The following TULP2 variants were observed in gnomAD, a reference collection of about 807,000 sequenced individuals.
TULP2 encodes tubby-related protein 2.
Under a neutral mutation model 60.3 loss-of-function variants are expected in TULP2, and 64 were observed. That is an observed-to-expected ratio of 1.06 (90% confidence interval 0.87 to 1.31). TULP2 has a LOEUF of 1.31. Ranked by LOEUF, TULP2 falls within the 50% of genes most tolerant of loss-of-function variation. TULP2 has a pLI of 0.00. For synonymous variants in TULP2, 267 were observed against 265.4 expected (o/e 1.01, Z -0.06); for missense variants, 652 against 667.0 (o/e 0.98, Z 0.25).
intron 6 of TULP2, 37 bp downstream of exon 6, chr19:48,894,961 G>A (rs1312109281): frequency 1.1e-5 from 18 of 1,587,302 alleles, no homozygotes; most frequent in Non-Finnish European, 1.5e-5. Context: ...CATGAACCAG[G>A]AGATCCCAGG....
rs1269574329 is a variant in TULP2, at chr19:48,897,333, T to G, written c.84+12A>C. 13 of 1,613,312 alleles carry G rather than the reference T, an allele frequency of 8.1e-6. No individual in the cohort carries two copies. The East Asian group carries it at 2.0e-4, about 25-fold the overall frequency. On this transcript the variant is annotated intron_variant, in intron 3 of 12. Transcript: ENST00000221399. The surrounding 1 kb of genome is among the most constrained non-coding windows in gnomAD (Gnocchi z 4.0). ...GGAAGAGTTGGAGTGGTGAGATTCCTGGGCACAATACCTGCTGTTCCAGCT... is the reference window on the plus strand; with the variant it reads ...GGAAGAGTTGGAGTGGTGAGATTCCGGGGCACAATACCTGCTGTTCCAGCT...
In TULP2 at chr19:48,882,706, A is replaced by C. The variant is rs140974210; in HGVS notation, c.1276-503T>G. Among the ~76,000 whole-genome samples the C allele has an allele frequency of 4.0e-3, 612 of 152,314 alleles. 5 individuals carry two copies. Among genetic ancestry groups the C allele is most frequent in the African/African-American group, 0.014 (568 of 41,560 alleles). On this transcript the variant is annotated intron_variant, in intron 11 of 12. Coordinates refer to ENST00000221399, the MANE Select transcript of TULP2 (RefSeq NM_003323.3). ...AAAAGCAGAAGAATACAAAGTAAGG[A>C]GGAAGTAACTTGTGGAATGTTGAGA...
At chr19:48,886,581 C>G (rs1275745727) in intron 8 of TULP2, among the ~76,000 whole-genome samples, 1 of 151,752 alleles carries the variant, frequency 6.6e-6, no homozygotes, top group Non-Finnish European at 1.5e-5. Flanking sequence ...AGAGAGGATA[C>G]CCCGAGGAGA....
At chr19:48,882,938 TG>T (rs1163671709) in intron 11 of TULP2, among the ~76,000 whole-genome samples, 1 of 152,018 alleles carries the variant, frequency 6.6e-6, no homozygotes, top group Non-Finnish European at 1.5e-5. Context: ...GAGAGGTTAC[TG>T]CCGGGCACGG....
At chr19:48,886,574 GAGGAT>G (rs1439070456) in intron 8 of TULP2, among the ~76,000 whole-genome samples, 2 of 151,990 alleles carry the variant, frequency 1.3e-5, no homozygotes, top group Non-Finnish European at 2.9e-5. Context: ...TAGGGGGAGA[GAGGAT>G]ACCCCGAGGA....
chr19:48,897,944 T>C lies in TULP2; in HGVS notation c.-1-75A>G. 1.0e-6 allele frequency: 1 copy of C among 986,560 alleles called. No individual in the cohort carries two copies. Among genetic ancestry groups the C allele is most frequent in the African/African-American group, 1.9e-5 (1 of 52,040 alleles). 61.1% of individuals were successfully genotyped at this position (986,560 alleles called of 1,614,324 possible). On this transcript the variant is annotated intron_variant, in intron 1 of 12. Transcript: ENST00000221399. The surrounding 1 kb of genome is among the most constrained non-coding windows in gnomAD (Gnocchi z 4.0). The stretch of plus-strand genomic sequence containing the variant: ...ATCCTGCCCACCAGCACCTAATCTT[T>C]AGCCTTATTTATTTATTTATTTATT...
chr19:48,897,412 G>T lies in TULP2; in HGVS notation c.33-16C>A. On this transcript the variant is annotated splice_polypyrimidine_tract_variant and intron_variant, in intron 2 of 12. Coordinates refer to ENST00000221399, the MANE Select transcript of TULP2 (RefSeq NM_003323.3). The surrounding 1 kb of genome is among the most constrained non-coding windows in gnomAD (Gnocchi z 4.0). ...CCCCAGGATGCTGAGAGAGACACAG[G>T]CCCATGGTGACAGTGCACAGGGAAC... The T allele has an allele frequency of 6.2e-7, 1 of 1,613,354 alleles. No homozygotes were observed. The highest frequency in any genetic ancestry group is 2.2e-5 in the East Asian group (1 of 44,874).
At chr19:48,882,675 AGAGG>A (rs1453832692) in intron 11 of TULP2, among the ~76,000 whole-genome samples, 1 of 152,176 alleles carries the variant, frequency 6.6e-6, no homozygotes, top group Non-Finnish European at 1.5e-5. Context: ...ACTTTTTAAA[AGAGG>A]GAAAAGCAGA....
chr19:48,887,386 G>A (rs1050377408), intron 8 of TULP2, among the ~76,000 whole-genome samples: 1 of 128,336 alleles, frequency 7.8e-6, no homozygotes, highest in East Asian at 2.4e-4. Flanking sequence ...GTGCAGTAGC[G>A]TGATCACATC....
intron 6 of TULP2, among the ~76,000 whole-genome samples, chr19:48,894,532 T>C (rs966876658): frequency 3.9e-5 from 6 of 151,964 alleles, no homozygotes; most frequent in African/African-American, 1.5e-4. Context: ...TCCCAGCTAC[T>C]TGGGAGGCTG....
intron 6 of TULP2, among the ~76,000 whole-genome samples, chr19:48,891,675 A>G (rs9676669): frequency 0.19 from 28,601 of 152,138 alleles, 3,442 homozygotes; most frequent in African/African-American, 0.34. Context: ...GAGAGAAGAA[A>G]GAAGACACAG....
rs1427649740 is a variant in TULP2 at position 48,882,147 on chromosome 19, CA to C, written c.1331del (p.Leu444CysfsTer29). ...CCCACGACGGGGTTTTGTTGTGCAACAAAAGCAACCCTTGTTTGTCCCCACG... is the reference window on the plus strand; with the variant it reads ...CCCACGACGGGGTTTTGTTGTGCAACAAAGCAACCCTTGTTTGTCCCCACG... ...YQRGDKQGLL[L>X]LHNKTPSWDK... On this transcript the variant is annotated frameshift_variant, in exon 12 of 13. Coordinates refer to ENST00000221399, the MANE Select transcript of TULP2 (RefSeq NM_003323.3). LOFTEE classifies it high-confidence loss of function. The C allele has an allele frequency of 6.2e-7, 1 of 1,611,436 alleles. No individual in the cohort carries two copies. Among genetic ancestry groups the C allele is most frequent in the Non-Finnish European group, 8.5e-7 (1 of 1,178,760 alleles).
chr19:48,896,127 T>C (rs2122143363), intron 4 of TULP2, among the ~76,000 whole-genome samples: 1 of 152,102 alleles, frequency 6.6e-6, no homozygotes, highest in East Asian at 1.9e-4. Context: ...CACCGAGCTC[T>C]GCCAAGCCCA....
intron 6 of TULP2, among the ~76,000 whole-genome samples, chr19:48,893,649 GT>G (rs1449617031): frequency 6.6e-6 from 1 of 152,020 alleles, no homozygotes; most frequent in Non-Finnish European, 1.5e-5. Flanking sequence ...TGTCTCCTGG[GT>G]TCAAGCAATT....
chr19:48,893,048 G>A (rs562559850), intron 6 of TULP2, among the ~76,000 whole-genome samples: 1 of 152,010 alleles, frequency 6.6e-6, no homozygotes, highest in East Asian at 1.9e-4. Context: ...TTCAAGACCA[G>A]CCTAGGCAAC....
rs141941129 is a variant in TULP2 at position 48,881,152 on chromosome 19, C to T, written c.1448-26G>A. The T allele has an allele frequency of 2.5e-4, 380 of 1,495,422 alleles. No homozygotes were observed. In the African/African-American group the frequency reaches 4.5e-3, roughly 18 times the overall value. 92.6% of individuals were successfully genotyped at this position (1,495,422 alleles called of 1,614,324 possible). ...CTGAGAAGTGAATCAGGAACAAAGC[C>T]TTAGCCTGACTCTCTCATCTCCCAG... On this transcript the variant is annotated intron_variant, in intron 12 of 12. Coordinates refer to ENST00000221399, the MANE Select transcript of TULP2 (RefSeq NM_003323.3).
At chr19:48,884,727 G>A (rs894324864) in intron 9 of TULP2, among the ~76,000 whole-genome samples, 20 of 151,588 alleles carry the variant, frequency 1.3e-4, no homozygotes, top group Non-Finnish European at 2.2e-4. Context: ...CCGAGATTAC[G>A]CCATCGCACT....
rs1369357051 is a variant in TULP2 at position 48,882,947 on chromosome 19, C to T, written c.1276-744G>A. Among the ~76,000 whole-genome samples, 5 of 152,298 alleles carry T rather than the reference C, an allele frequency of 3.3e-5. No homozygotes were observed. The South Asian group carries it at 8.3e-4, about 25-fold the overall frequency. The stretch of plus-strand genomic sequence containing the variant: ...TTGTAAGAGAGGTTACTGCCGGGCA[C>T]GGTGGCTCACGCCTGTAATCCCAGC... On this transcript the variant is annotated intron_variant, in intron 11 of 12. Transcript: ENST00000221399.
chr19:48,887,889 G>A, intron 8 of TULP2, 61 bp downstream of exon 8: 1 of 1,548,474 alleles, frequency 6.5e-7, no homozygotes, highest in Non-Finnish European at 8.8e-7. Context: ...TCAGAAAGGA[G>A]TGGGATTTTG....
Sources: gnomAD v4.1 joint callset for allele counts (sites outside exome capture counted in the v4.1 genomes callset) on GRCh38, gnomAD v4.1.1 for gene constraint, Gnocchi (gnomAD v3.1) non-coding constraint, MANE v1.5 for transcripts, NCBI Gene and HGNC (gene_info 2026-07-23, HGNC 2026-07-21) for gene names.